PKHD1L1: variants seen among roughly 807,000 people sequenced by gnomAD.
PKHD1L1 encodes the protein fibrocystin-L.
In PKHD1L1, 434 loss-of-function variants were observed where a neutral mutation model predicts 462.9. That is an observed-to-expected ratio of 0.94 (90% confidence interval 0.87 to 1.02). The LOEUF is 1.02. Ranked by LOEUF, PKHD1L1 falls within the 50% of genes least tolerant of loss-of-function variation. The pLI, the probability that PKHD1L1 is intolerant of heterozygous loss-of-function variation, is 0.00. For synonymous variants in PKHD1L1, 1,781 were observed against 1,750.0 expected, an observed-to-expected ratio of 1.02 and a Z score of -0.44; for missense variants, 5,202 against 5,096.1, an observed-to-expected ratio of 1.02 and a Z score of -0.63.
chr8:109,518,899 A>C (rs188030768), intron 73 of PKHD1L1, among the ~76,000 whole-genome samples: 1 of 152,176 alleles, frequency 6.6e-6, no homozygotes, highest in Admixed American at 6.6e-5. Context: ...GGTGCATTTG[A>C]AGAGAGGAAA....
intron 39 of PKHD1L1, 74 bp from the exon 40 acceptor site, chr8:109,449,264 A>G: frequency 7.3e-7 from 1 of 1,365,842 alleles, no homozygotes; most frequent in Non-Finnish European, 9.7e-7. Context: ...TTTAAAATAA[A>G]GGTAAAAAAT....
intron 24 of PKHD1L1, among the ~76,000 whole-genome samples, chr8:109,425,493 T>G (rs1236170121): frequency 6.6e-6 from 1 of 151,978 alleles, no homozygotes; most frequent in Non-Finnish European, 1.5e-5. Context: ...AGGAAATACT[T>G]CACCCATCCA....
chr8:109,496,934 T>TG lies in PKHD1L1; in HGVS notation c.10345dup (p.Glu3449GlyfsTer5). ...TCCCTCCAAGGCCAGTTTAATCCTG[T>TG]GGAAAAGTGGTTTGACAATGAAGCC... On this transcript the variant is annotated frameshift_variant, in exon 64 of 78. Transcript: ENST00000378402. LOFTEE classifies it high-confidence loss of function. 6.2e-7 allele frequency: 1 copy of TG among 1,613,266 alleles called. No individual in the cohort carries two copies. Among genetic ancestry groups the TG allele is most frequent in the Non-Finnish European group, 8.5e-7 (1 of 1,179,446 alleles).
intron 67 of PKHD1L1, among the ~76,000 whole-genome samples, chr8:109,502,997 C>G (rs1673421): frequency 0.45 from 68,327 of 152,054 alleles, 16,109 homozygotes; most frequent in African/African-American, 0.58. Flanking sequence ...AGTGGCTAAA[C>G]GCAATTCTTT....
intron 17 of PKHD1L1, 76 bp from the exon 18 acceptor site, chr8:109,407,973 A>T: frequency 1.0e-6 from 1 of 969,884 alleles, no homozygotes; most frequent in Non-Finnish European, 1.3e-6. Flanking sequence ...TATTAAATAT[A>T]TATAAAATAT....
At position 109,409,920 on chromosome 8, in the gene PKHD1L1, A is replaced by G; in HGVS notation, c.2027A>G (p.Asn676Ser). ...VSTKCPPQIA[N>S]FEEGFVVKYF... is the part of the protein sequence containing the mutation. The stretch of plus-strand genomic sequence containing the variant: ...ACTAAGTGTCCACCACAAATTGCAA[A>G]TTTTGAAGAAGGATTTGTTGTGAAA... The change falls in exon 19 of 78, where the codon AAT (asparagine) becomes AGT (serine). Residue 676 changes from asparagine (N) to serine (S), a missense_variant. Transcript: ENST00000378402. 1 of 1,607,728 alleles carries G rather than the reference A, an allele frequency of 6.2e-7. No homozygotes were observed. Among genetic ancestry groups the G allele is most frequent in the Non-Finnish European group, 8.5e-7 (1 of 1,177,574 alleles).
intron 9 of PKHD1L1, among the ~76,000 whole-genome samples, chr8:109,393,838 G>A (rs1230436290): frequency 6.6e-6 from 1 of 152,118 alleles, no homozygotes; most frequent in Non-Finnish European, 1.5e-5. Flanking sequence ...CCTTTATAAA[G>A]GGTAATCCTT....
rs145377539 is a variant in PKHD1L1 at position 109,402,837 on chromosome 8, A to G, written c.1373+1249A>G. ...ATCAATGGAACCTGGGAGCAAATTAATGTTCTCACACTCAATGTTCTTGCT... is the reference window on the plus strand; with the variant it reads ...ATCAATGGAACCTGGGAGCAAATTAGTGTTCTCACACTCAATGTTCTTGCT... On this transcript the variant is annotated intron_variant, in intron 14 of 77. Coordinates refer to ENST00000378402, the MANE Select transcript of PKHD1L1 (RefSeq NM_177531.6). Among the ~76,000 whole-genome samples, 24 of 152,284 alleles carry G rather than the reference A, an allele frequency of 1.6e-4. No homozygotes were observed. The East Asian group carries it at 4.6e-3, about 29-fold the overall frequency.
intron 50 of PKHD1L1, among the ~76,000 whole-genome samples, chr8:109,468,607 G>A (rs541612355): frequency 6.6e-6 from 1 of 152,232 alleles, no homozygotes; most frequent in South Asian, 2.1e-4. Flanking sequence ...TCTGGAACTG[G>A]AGAAAGAACC....
chr8:109,400,329 A>G lies in PKHD1L1; in HGVS notation c.1266A>G (p.Gly422=). 1 of 1,612,952 alleles carries G rather than the reference A, an allele frequency of 6.2e-7. No homozygotes were observed. ...ATGCTATTTATTTTAGCCAGACTGG[A>G]CTTCCAGAAGATAAGGTAGGGAAGC... ...DRYAIYFSQT[G]LPEDKVRIAY... The change falls in exon 13 of 78, where the codon GGA becomes GGG. Residue 422 remains glycine (G), a synonymous_variant. Coordinates refer to ENST00000378402, the MANE Select transcript of PKHD1L1 (RefSeq NM_177531.6).
Position 109,433,097 on chromosome 8 carries a change from C to T in PKHD1L1, c.3230-9C>T. The T allele has an allele frequency of 6.4e-7, 1 of 1,558,012 alleles. No individual in the cohort carries two copies. Among genetic ancestry groups the T allele is most frequent in the East Asian group, 2.3e-5 (1 of 44,434 alleles). On this transcript the variant is annotated splice_polypyrimidine_tract_variant and intron_variant, in intron 27 of 77. Transcript: ENST00000378402. ...CTTTAATATTGTTATTTAAATTGATCATTTTTAGGGTCCTATGAAGAAGGC... is the reference window on the plus strand; with the variant it reads ...CTTTAATATTGTTATTTAAATTGATTATTTTTAGGGTCCTATGAAGAAGGC...
chr8:109,498,829 G>T (rs1274704764), intron 67 of PKHD1L1, 58 bp downstream of exon 67: 2 of 1,355,902 alleles, frequency 1.5e-6, no homozygotes, highest in Non-Finnish European at 2.0e-6. Flanking sequence ...AATATGTAGA[G>T]GATAACTAAT....
chr8:109,420,070 A>G (rs1176265238), intron 22 of PKHD1L1, among the ~76,000 whole-genome samples: 3 of 152,190 alleles, frequency 2.0e-5, no homozygotes, highest in African/African-American at 7.2e-5. Context: ...AGAACCTACT[A>G]TGTGTCAGGC....
chr8:109,507,955 T>C (rs1819779475), intron 69 of PKHD1L1, 60 bp downstream of exon 69: 2 of 1,562,892 alleles, frequency 1.3e-6, no homozygotes, highest in Admixed American at 3.5e-5. Context: ...AAAATATGTT[T>C]TATTTTTAAT....
At chr8:109,469,138 C>T (rs146317170) in intron 50 of PKHD1L1, among the ~76,000 whole-genome samples, 3 of 152,228 alleles carry the variant, frequency 2.0e-5, no homozygotes, top group African/African-American at 7.2e-5. Flanking sequence ...AGCACTGACT[C>T]CTGCCACTTT....
At chr8:109,523,188 A>C in intron 75 of PKHD1L1, 45 bp from the exon 76 acceptor site, 3 of 1,500,100 alleles carry the variant, frequency 2.0e-6, no homozygotes, top group South Asian at 2.5e-5. Context: ...AAAAGCATGG[A>C]AACAGGACAA....
intron 13 of PKHD1L1, among the ~76,000 whole-genome samples, chr8:109,400,800 C>A (rs923201276): frequency 6.6e-6 from 1 of 152,010 alleles, no homozygotes; most frequent in Non-Finnish European, 1.5e-5. Flanking sequence ...TGTTTTATGA[C>A]CACAAATAAT....
At chr8:109,399,223 T>C (rs1813128259) in intron 12 of PKHD1L1, among the ~76,000 whole-genome samples, 1 of 152,154 alleles carries the variant, frequency 6.6e-6, no homozygotes, top group African/African-American at 2.4e-5. Flanking sequence ...AAGAAAATAA[T>C]TTTGATAATT....
At chr8:109,403,631 G>T (rs1813383787) in intron 14 of PKHD1L1, among the ~76,000 whole-genome samples, 1 of 152,126 alleles carries the variant, frequency 6.6e-6, no homozygotes, top group Non-Finnish European at 1.5e-5. Flanking sequence ...GAGCTGATGA[G>T]CAGGTTCTTA....
Sources: allele counts gnomAD v4.1 joint callset (sites outside exome capture counted in the v4.1 genomes callset), GRCh38; gene constraint gnomAD v4.1.1; transcripts MANE v1.5; gene names NCBI Gene and HGNC (gene_info 2026-07-23, HGNC 2026-07-21).